ADAM10: variants seen among roughly 807,000 people sequenced by gnomAD.
ADAM10 encodes disintegrin and metalloproteinase domain-containing protein 10.
Under a neutral mutation model 90.1 loss-of-function variants are expected in ADAM10, and 17 were observed. The ratio of observed to expected loss-of-function variants is 0.19; its 90% confidence interval spans 0.13 to 0.28. The LOEUF (loss-of-function observed/expected upper bound fraction) is 0.28, where lower values mean the gene tolerates loss of function less well. Ranked by LOEUF, ADAM10 falls within the 10% of genes least tolerant of loss-of-function variation. The pLI is 1.00. For synonymous variants in ADAM10, 310 were observed against 298.6 expected (o/e 1.04, Z -0.40); for missense variants, 610 against 914.3 (o/e 0.67, Z 4.29).
chr15:58,734,276 T>G (rs1359834321), intron 1 of ADAM10, among the ~76,000 whole-genome samples: 3 of 152,170 alleles, frequency 2.0e-5, no homozygotes, highest in African/African-American at 7.2e-5. Flanking sequence ...GCTCTACATT[T>G]TTTTCATTTA....
At chr15:58,705,087 C>A (rs1162835498) in intron 2 of ADAM10, among the ~76,000 whole-genome samples, 1 of 152,114 alleles carries the variant, frequency 6.6e-6, no homozygotes, top group Non-Finnish European at 1.5e-5. Context: ...TACAATATTA[C>A]CACAAAAAAC....
intron 1 of ADAM10, chr15:58,747,796 T>C (rs1899839217): frequency 1.3e-5 from 2 of 152,326 alleles, no homozygotes; most frequent in African/African-American, 2.4e-5. Flanking sequence ...TGTTATTCAA[T>C]TGTTTTTTCT....
intron 5 of ADAM10, among the ~76,000 whole-genome samples, chr15:58,651,198 C>T (rs994210156): frequency 6.6e-6 from 1 of 152,062 alleles, no homozygotes; most frequent in Non-Finnish European, 1.5e-5. Flanking sequence ...GTGTAAATCA[C>T]ATCATGTTAA....
intron 8 of ADAM10, 68 bp downstream of exon 8, chr15:58,640,709 C>G (rs1335331727): frequency 2.0e-6 from 3 of 1,469,222 alleles, no homozygotes; most frequent in Admixed American, 1.8e-5. Flanking sequence ...TTTGAAAATT[C>G]AACATTCTCT....
intron 4 of ADAM10, among the ~76,000 whole-genome samples, chr15:58,673,739 C>CTT (rs541236955): frequency 3.4e-5 from 5 of 147,482 alleles, no homozygotes; most frequent in East Asian, 2.0e-4. Flanking sequence ...CTTTCTCTCT[C>CTT]TTTTTTTTTT....
In ADAM10 at chr15:58,617,337, T is replaced by A. The variant is rs1202329533; in HGVS notation, c.1511+4134A>T. Among the ~76,000 whole-genome samples the A allele has an allele frequency of 2.6e-5, 4 of 152,026 alleles. No individual in the cohort carries two copies. The East Asian group carries it at 7.7e-4, about 29-fold the overall frequency. ...ATAAATGGGAAAACCGAATGATAAT[T>A]AATAAATCCCTGGACACATACAACT... On this transcript the variant is annotated intron_variant, in intron 11 of 15. Transcript: ENST00000260408.
intron 4 of ADAM10, among the ~76,000 whole-genome samples, chr15:58,671,539 A>T (rs1000725855): frequency 8.5e-5 from 13 of 152,134 alleles, no homozygotes; most frequent in African/African-American, 2.7e-4. Context: ...ATACTCCTAA[A>T]TGCTATTTCT....
chr15:58,669,092 C>A (rs898404554), intron 4 of ADAM10, among the ~76,000 whole-genome samples: 14 of 152,008 alleles, frequency 9.2e-5, no homozygotes, highest in African/African-American at 3.4e-4. Flanking sequence ...ATTTATTAAG[C>A]AAACAATTAA....
intron 6 of ADAM10, among the ~76,000 whole-genome samples, chr15:58,644,244 T>G (rs529152212): frequency 6.6e-6 from 1 of 151,854 alleles, no homozygotes; most frequent in South Asian, 2.1e-4. Flanking sequence ...GTTTTTTTTT[T>G]TGGAGACAAG....
chr15:58,610,875 C>T, intron 13 of ADAM10, 124 bp downstream of exon 13: 1 of 770,106 alleles, frequency 1.3e-6, no homozygotes, highest in Admixed American at 2.0e-5. Context: ...ATAATCTCCT[C>T]AAGAGGACAG....
intron 2 of ADAM10, among the ~76,000 whole-genome samples, chr15:58,695,538 A>G (rs879162444): frequency 1.3e-5 from 2 of 152,204 alleles, no homozygotes; most frequent in Admixed American, 1.3e-4. Context: ...ATTAAAATTT[A>G]TTATTCAGCA....
intron 4 of ADAM10, 93 bp downstream of exon 4, chr15:58,679,031 A>G (rs1380452432): frequency 1.6e-6 from 2 of 1,270,960 alleles, no homozygotes; most frequent in Non-Finnish European, 1.1e-6. Context: ...GTAACTCAGG[A>G]AAGAAAACAG....
intron 1 of ADAM10, among the ~76,000 whole-genome samples, chr15:58,740,085 T>C (rs977254086): frequency 2.0e-5 from 3 of 152,174 alleles, no homozygotes; most frequent in Non-Finnish European, 4.4e-5. Context: ...AAGACACAGA[T>C]CAGTAACTTA....
chr15:58,735,761 T>C (rs1379725548), intron 1 of ADAM10, among the ~76,000 whole-genome samples: 3 of 152,224 alleles, frequency 2.0e-5, no homozygotes, highest in Non-Finnish European at 4.4e-5. Flanking sequence ...CTAATCTGCC[T>C]TTTAAAAATT....
chr15:58,698,842 G>A (rs904628284), intron 2 of ADAM10, among the ~76,000 whole-genome samples: 1 of 151,972 alleles, frequency 6.6e-6, no homozygotes, highest in African/African-American at 2.4e-5. Flanking sequence ...GCCCCAGAAG[G>A]CAAAGAAAAA....
intron 2 of ADAM10, among the ~76,000 whole-genome samples, chr15:58,683,546 C>T (rs1897501568): frequency 6.6e-6 from 1 of 152,032 alleles, no homozygotes; most frequent in South Asian, 2.1e-4. Flanking sequence ...TTCCATACTA[C>T]AAAGAATGTG....
rs774843170 is a variant in ADAM10 at position 58,611,898 on chromosome 15, T to C, written c.1605A>G (p.Ile535Met). ...RDDSDCAREG[I>M]CNGFTALCPA... ...GGCAGAGAGCTGTGAAGCCATTACA[T>C]ATTCCTTCCCTTGCACAGTCTGAAT... is the stretch of plus-strand genomic sequence containing the variant. The change falls in exon 12 of 16, where the codon ATA (isoleucine) becomes ATG (methionine). Residue 535 changes from isoleucine to methionine, a missense_variant. This residue lies in a region of ADAM10 where 53 missense variants were observed against 62.0 expected (regional missense o/e 0.85). Coordinates refer to ENST00000260408, the MANE Select transcript of ADAM10 (RefSeq NM_001110.4). 6.2e-6 allele frequency: 10 copies of C among 1,614,084 alleles called. No individual in the cohort carries two copies. Among genetic ancestry groups the C allele is most frequent in the African/African-American group, 1.3e-5 (1 of 74,940 alleles).
At position 58,592,697 on chromosome 15, in the gene ADAM10, T is replaced by C. The variant is rs544488525; in HGVS notation, c.*4850A>G. 6.6e-6 allele frequency: 1 copy of C among 151,970 alleles called. No homozygotes were observed. The highest frequency in any genetic ancestry group is 2.1e-4 in the South Asian group (1 of 4,814). 9.4% of individuals were successfully genotyped at this position (151,970 alleles called of 1,614,324 possible). On this transcript the variant is annotated 3_prime_UTR_variant, in exon 16 of 16. Coordinates refer to ENST00000260408, the MANE Select transcript of ADAM10 (RefSeq NM_001110.4). ...AGCATGAGTCTTCTATTATTGTTTC[T>C]AATACATTCATGTGGCTGCATATAT...
chr15:58,685,122 A>G, intron 2 of ADAM10, among the ~76,000 whole-genome samples: 1 of 151,038 alleles, frequency 6.6e-6, no homozygotes, highest in East Asian at 2.0e-4. Flanking sequence ...TAAAATATTT[A>G]CATGTAATCA....
Sources: allele counts gnomAD v4.1 joint callset (sites outside exome capture counted in the v4.1 genomes callset), GRCh38; gene constraint gnomAD v4.1.1; regional missense constraint gnomAD v4.1.1; transcripts MANE v1.5; gene names NCBI Gene and HGNC (gene_info 2026-07-23, HGNC 2026-07-21).